Variants in ZC3H4 observed in about 807,000 individuals in gnomAD.
The protein encoded by ZC3H4 is zinc finger CCCH-type containing 4, also known as zinc finger CCCH domain-containing protein 4.
A neutral mutation model predicts 108.3 loss-of-function variants in ZC3H4; 13 were observed. That is an observed-to-expected ratio of 0.12 (90% CI 0.08 to 0.19). The LOEUF is 0.19. ZC3H4 is among the 10% of genes least tolerant of loss of function. The probability of loss-of-function intolerance (pLI) is 1.00; values close to 1 mark genes in which losing one functional copy is unlikely to be tolerated. For synonymous variants in ZC3H4, 917 were observed against 749.6 expected (o/e 1.22, Z -3.65); for missense variants, 1,734 against 1,838.8 (o/e 0.94, Z 1.04).
At position 47,081,609 on chromosome 19, in the gene ZC3H4, A is replaced by C. The variant is rs1435944292; in HGVS notation, c.1344T>G (p.Cys448Trp). The change falls in exon 11 of 15, where the codon TGT becomes TGG. Residue 448 changes from cysteine to tryptophan, a missense_variant. Physicochemically the swap from Cys to Trp is radical, Grantham distance 215. Coordinates refer to ENST00000253048, the MANE Select transcript of ZC3H4 (RefSeq NM_015168.2). ...AGTTCCCAGTGGTGTGGTACAGCTT[A>C]CACGGGAAATCACGTTCATGGCAAA... ...NCPYMHGDFP[C>W]KLYHTTGNCI... 1 of 1,614,054 alleles carries C rather than the reference A, an allele frequency of 6.2e-7. No homozygotes were observed. Among genetic ancestry groups the C allele is most frequent in the African/African-American group, 1.3e-5 (1 of 74,938 alleles).
intron 13 of ZC3H4, among the ~76,000 whole-genome samples, chr19:47,070,256 G>C (rs758006043): frequency 1.1e-4 from 16 of 152,160 alleles, no homozygotes; most frequent in African/African-American, 3.6e-4. Context: ...CATTTAAAAC[G>C]TGGTGTCTAG....
At position 47,066,761 on chromosome 19, in the gene ZC3H4, G is replaced by A. The variant is rs779625386; in HGVS notation, c.3507C>T (p.Ala1169=). ...CATTGCCCTCAGCACCCTTGGGCTG[G>A]GCACCCGTGTCAGCAGCCGGCTCTG... ...KATEPAADTG[A]QPKGAEGNGK... The change falls in exon 15 of 15, where the codon GCC becomes GCT. Residue 1169 remains alanine (A), a synonymous_variant. Transcript: ENST00000253048. 2 of 1,603,964 alleles carry A rather than the reference G, an allele frequency of 1.2e-6. No homozygotes were observed. Among genetic ancestry groups the A allele is most frequent in the Non-Finnish European group, 8.5e-7 (1 of 1,178,378 alleles).
At chr19:47,073,548 AG>A (rs1323633461) in intron 11 of ZC3H4, among the ~76,000 whole-genome samples, 2 of 152,186 alleles carry the variant, frequency 1.3e-5, no homozygotes, top group East Asian at 3.8e-4. Flanking sequence ...CTCCAGCCTG[AG>A]CGACAGAGCC....
At position 47,113,752 on chromosome 19, in the gene ZC3H4, G is replaced by C. The variant is rs534641505; in HGVS notation, c.-38C>G. ...TGGAGGCCAGGTGCCGAGAGTCGGA[G>C]GTTTCCGGAGAAGCGATGAAGCCCA... On this transcript the variant is annotated 5_prime_UTR_variant, in exon 1 of 15. Coordinates refer to ENST00000253048, the MANE Select transcript of ZC3H4 (RefSeq NM_015168.2). The C allele has an allele frequency of 2.0e-5, 3 of 152,314 alleles. No individual in the cohort carries two copies. Among genetic ancestry groups the C allele is most frequent in the Non-Finnish European group, 4.4e-5 (3 of 68,068 alleles). 9.4% of individuals were successfully genotyped at this position (152,314 alleles called of 1,614,324 possible). A position where few individuals can be genotyped will look rare whatever the true frequency, so the allele number is the denominator to read the frequency against.
intron 14 of ZC3H4, among the ~76,000 whole-genome samples, chr19:47,068,182 G>A (rs969918737): frequency 1.1e-4 from 17 of 152,232 alleles, no homozygotes; most frequent in Non-Finnish European, 2.1e-4. Context: ...TGTGAAAACA[G>A]AAGCACAGTG....
At chr19:47,100,993 C>T (rs983518711) in intron 2 of ZC3H4, among the ~76,000 whole-genome samples, 18 of 151,968 alleles carry the variant, frequency 1.2e-4, no homozygotes, top group African/African-American at 3.9e-4. Context: ...CCAACACACG[C>T]GGCCTGTAGT....
In ZC3H4 at chr19:47,092,935, G is replaced by A. The variant is rs541653209; in HGVS notation, c.492+1035C>T. Among the ~76,000 whole-genome samples the A allele has an allele frequency of 5.3e-4, 80 of 151,276 alleles. 1 individual carries two copies. The South Asian group carries it at 0.013, about 25-fold the overall frequency. ...GTAAAGTAATCATAAGATGATTTGC[G>A]GCCGGGCGCGGTGGCTCACACCTGT... On this transcript the variant is annotated intron_variant, in intron 4 of 14. Transcript: ENST00000253048.
intron 13 of ZC3H4, among the ~76,000 whole-genome samples, chr19:47,069,742 G>A (rs986484404): frequency 3.3e-5 from 5 of 152,090 alleles, no homozygotes; most frequent in Non-Finnish European, 7.4e-5. Flanking sequence ...GGAGTTGCAC[G>A]GTTTCTTTCT....
intron 5 of ZC3H4, among the ~76,000 whole-genome samples, chr19:47,086,977 TAAAAA>T (rs113670263): frequency 7.1e-6 from 1 of 141,080 alleles, no homozygotes; most frequent in Non-Finnish European, 1.6e-5. Flanking sequence ...AAGACTTAGT[TAAAAA>T]AAAAAAAAAG....
chr19:47,067,703 T>A lies in ZC3H4; in HGVS notation c.2565A>T (p.Thr855=). The A allele has an allele frequency of 6.2e-7, 1 of 1,604,752 alleles. No homozygotes were observed. Residue 855 remains threonine, a synonymous_variant, in exon 15 of 15, where the codon ACA becomes ACT. Transcript: ENST00000253048. This position sits in a 1 kb window ranked among gnomAD's most constrained non-coding sequence, Gnocchi z 6.4. ...GGCGAGGGTCAGCCAGCCGGCTTCC[T>A]GTGGGGTGTCCCTTCTGGAGGCGGG... The part of the protein sequence containing the change: ...GDPRLQKGHP[T]GSRLADPRLS...
chr19:47,069,918 G>A (rs1160376775), intron 13 of ZC3H4, among the ~76,000 whole-genome samples: 1 of 152,214 alleles, frequency 6.6e-6, no homozygotes, highest in Non-Finnish European at 1.5e-5. Flanking sequence ...GGGTGTCTCA[G>A]GAAGCACGGG....
chr19:47,067,118 G>C lies in ZC3H4; in HGVS notation c.3150C>G (p.Leu1050=), dbSNP rs899747628. 3 of 1,611,824 alleles carry C rather than the reference G, an allele frequency of 1.9e-6. No individual in the cohort carries two copies. In the African/African-American group the frequency reaches 4.0e-5, roughly 22 times the overall value. The change falls in exon 15 of 15, where the codon CTC becomes CTG. Residue 1050 remains leucine, a synonymous_variant. Coordinates refer to ENST00000253048, the MANE Select transcript of ZC3H4 (RefSeq NM_015168.2). The surrounding 1 kb of genome is among the most constrained non-coding windows in gnomAD (Gnocchi z 6.4). The stretch of plus-strand genomic sequence containing the variant: ...AGGAGCCGGTGGCATTGACTGTCTT[G>C]AGGATGCGAGACAGAAGTTCAAAGT... The part of the protein sequence containing the change: ...LPDFELLSRI[L]KTVNATGSSA...
rs2057596195 is a variant in ZC3H4 at position 47,085,184 on chromosome 19, C to T, written c.979G>A (p.Gly327Ser). Residue 327 changes from glycine to serine, a missense_variant, in exon 8 of 15, where the codon GGC (glycine) becomes AGC (serine). Transcript: ENST00000253048. ...CGACCTCGGGAGCCCCTGCCACGGCCTCGACTTAGCCCTGTGGAGGGGAGA... is the reference window on the plus strand; with the variant it reads ...CGACCTCGGGAGCCCCTGCCACGGCTTCGACTTAGCCCTGTGGAGGGGAGA... Reference protein sequence around the residue: ...KDSRGRGLSRGRGRGSRGRGK... With the variant: ...KDSRGRGLSRSRGRGSRGRGK... 6.2e-7 allele frequency: 1 copy of T among 1,614,010 alleles called. No individual in the cohort carries two copies. Among genetic ancestry groups the T allele is most frequent in the Non-Finnish European group, 8.5e-7 (1 of 1,179,986 alleles).
At chr19:47,078,382 G>A (rs2057459676) in intron 11 of ZC3H4, among the ~76,000 whole-genome samples, 1 of 151,908 alleles carries the variant, frequency 6.6e-6, no homozygotes, top group Non-Finnish European at 1.5e-5. Context: ...ACTTTGGGAG[G>A]CCAAGGCAGG....
rs574211910 is a variant in ZC3H4, at chr19:47,064,542, G to T, written c.*1814C>A. ...AGCTTCTATTTCATCCACAGATTTC[G>T]GTTTAAAAAATATTTTTCTTTTACA... On this transcript the variant is annotated 3_prime_UTR_variant, in exon 15 of 15. Transcript: ENST00000253048. 6.6e-6 allele frequency: 1 copy of T among 152,132 alleles called. No individual in the cohort carries two copies. Among genetic ancestry groups the T allele is most frequent in the African/African-American group, 2.4e-5 (1 of 41,328 alleles). The allele number at this position is 152,132 out of a possible 1,614,324, so 9.4% of individuals were successfully genotyped here.
chr19:47,088,304 T>C (rs1280760955), intron 5 of ZC3H4, among the ~76,000 whole-genome samples: 1 of 151,840 alleles, frequency 6.6e-6, no homozygotes, highest in African/African-American at 2.4e-5. Flanking sequence ...TCCCAGCACT[T>C]TGGGAGGCCG....
intron 2 of ZC3H4, among the ~76,000 whole-genome samples, chr19:47,101,944 G>T (rs1037783476): frequency 1.3e-5 from 2 of 152,084 alleles, no homozygotes; most frequent in African/African-American, 4.8e-5. Flanking sequence ...TGAGGCAGGA[G>T]AATTGCTTGA....
At chr19:47,069,064 T>C (rs780829166) in intron 14 of ZC3H4, 28 bp downstream of exon 14, 5 of 1,601,374 alleles carry the variant, frequency 3.1e-6, no homozygotes, top group Non-Finnish European at 2.5e-6. Flanking sequence ...CTGGGGCCTG[T>C]GCCCCGGCCC....
At chr19:47,069,402 G>GC in intron 13 of ZC3H4, 59 bp from the exon 14 acceptor site, 2 of 1,556,982 alleles carry the variant, frequency 1.3e-6, no homozygotes, top group Non-Finnish European at 1.7e-6. Context: ...GCCAACTCCA[G>GC]CCCCCCTGCC....
Sources: allele counts gnomAD v4.1 joint callset (sites outside exome capture counted in the v4.1 genomes callset), GRCh38; gene constraint gnomAD v4.1.1; non-coding constraint Gnocchi (gnomAD v3.1); transcripts MANE v1.5; gene names NCBI Gene and HGNC (gene_info 2026-07-23, HGNC 2026-07-21).